COPB1: variants seen among roughly 807,000 people sequenced by gnomAD.
COPB1 encodes coat protein complex I subunit beta 1.
A neutral mutation model predicts 108.7 loss-of-function variants in COPB1; 21 were observed. That is an observed-to-expected ratio of 0.19 (90% CI 0.14 to 0.28). The LOEUF (loss-of-function observed/expected upper bound fraction) is 0.28, where lower values mean the gene tolerates loss of function less well. Ranked by LOEUF, COPB1 falls within the 10% of genes least tolerant of loss-of-function variation. COPB1 has a pLI of 1.00. For missense variants in COPB1, 919 were observed against 1,141.3 expected (o/e 0.81, Z 2.81); for synonymous variants, 378 against 386.8 (o/e 0.98, Z 0.27).
chr11:14,460,533 T>G (rs972992276), intron 19 of COPB1, among the ~76,000 whole-genome samples: 13 of 152,210 alleles, frequency 8.5e-5, no homozygotes, highest in Admixed American at 3.3e-4. Flanking sequence ...TCTTTTTTTT[T>G]TTGAGACAGG....
chr11:14,463,301 A>ATC (rs1404013088), intron 18 of COPB1, among the ~76,000 whole-genome samples: 1 of 151,900 alleles, frequency 6.6e-6, no homozygotes, highest in Non-Finnish European at 1.5e-5. Context: ...ACAAATACTT[A>ATC]TCTCTAGTTT....
At chr11:14,483,257 CACT>C (rs1850703225) in intron 7 of COPB1, 106 bp from the exon 8 acceptor site, 5 of 635,202 alleles carry the variant, frequency 7.9e-6, no homozygotes, top group Admixed American at 3.0e-5. Flanking sequence ...CACACACACA[CACT>C]CCCATGAAGC....
intron 20 of COPB1, among the ~76,000 whole-genome samples, chr11:14,459,012 C>T (rs1009846210): frequency 1.3e-5 from 2 of 152,212 alleles, no homozygotes; most frequent in African/African-American, 4.8e-5. Context: ...AAGTGATCCA[C>T]CCGCCTCGGC....
chr11:14,490,454 C>T (rs557660484), intron 5 of COPB1, 111 bp downstream of exon 5: 1 of 594,238 alleles, frequency 1.7e-6, no homozygotes, highest in South Asian at 2.9e-5. Context: ...AATACACAAA[C>T]CACATGAACT....
At chr11:14,460,357 T>C in intron 19 of COPB1, 60 bp from the exon 20 acceptor site, 1 of 1,051,366 alleles carries the variant, frequency 9.5e-7, no homozygotes, top group Non-Finnish European at 1.4e-6. Context: ...AAGCTGTGAA[T>C]CACCAGTATG....
Position 14,494,204 on chromosome 11 carries a change from G to A in COPB1, c.321+6C>T, listed in dbSNP as rs1850968884. The A allele has an allele frequency of 6.4e-7, 1 of 1,567,802 alleles. No individual in the cohort carries two copies. Among genetic ancestry groups the A allele is most frequent in the Non-Finnish European group, 8.7e-7 (1 of 1,144,684 alleles). On this transcript the variant is annotated splice_donor_region_variant and intron_variant, in intron 3 of 21. Coordinates refer to ENST00000439561, the MANE Select transcript of COPB1 (RefSeq NM_001144061.2). ...AATATTCAGAAATAATTATGATTTG[G>A]TTTACCTTTCTGTATGCATCACATA...
chr11:14,459,500 T>C (rs943854954), intron 20 of COPB1, among the ~76,000 whole-genome samples: 22 of 152,166 alleles, frequency 1.4e-4, no homozygotes, highest in Non-Finnish European at 2.1e-4. Flanking sequence ...TACACAAACA[T>C]AGCAAAAAGT....
chr11:14,476,841 G>A (rs1250369846), intron 12 of COPB1, 78 bp downstream of exon 12: 5 of 813,612 alleles, frequency 6.1e-6, no homozygotes, highest in African/African-American at 1.8e-5. Flanking sequence ...AATAATGTAA[G>A]CAAATCACTA....
rs999773518 is a variant in COPB1 at position 14,489,131 on chromosome 11, T to C, written c.607-547A>G. On this transcript the variant is annotated intron_variant, in intron 5 of 21. Transcript: ENST00000439561. ...ACAAAACACTGCTCATATACGCAGC[T>C]TTCTCATAATCTTGTTTAGGAAGAC... 4.6e-5 allele frequency among the ~76,000 whole-genome samples: 7 copies of C among 152,344 alleles called. No individual in the cohort carries two copies. The East Asian group carries it at 1.2e-3, about 25-fold the overall frequency.
rs763719433 is a variant in COPB1, at chr11:14,468,758, G to T, written c.2068C>A (p.Gln690Lys). 4 of 1,614,038 alleles carry T rather than the reference G, an allele frequency of 2.5e-6. No homozygotes were observed. The highest frequency in any genetic ancestry group is 3.4e-6 in the Non-Finnish European group (4 of 1,180,020). Reference protein sequence around the residue: ...NEMNCKEDQFQLSLLAAMGNT... With the variant: ...NEMNCKEDQFKLSLLAAMGNT... ...CCCATTGCTGCCAGTAAACTCAGCT[G>T]AAACTGATCTTCCTTGCAGTTCATT... Residue 690 changes from glutamine (Q) to lysine (K), a missense_variant, in exon 16 of 22, where the codon CAG (glutamine) becomes AAG (lysine). By Grantham distance (53) the Gln-to-Lys change is moderately conservative. Coordinates refer to ENST00000439561, the MANE Select transcript of COPB1 (RefSeq NM_001144061.2).
intron 14 of COPB1, among the ~76,000 whole-genome samples, chr11:14,471,930 A>G (rs1286049757): frequency 6.6e-6 from 1 of 151,700 alleles, no homozygotes; most frequent in Admixed American, 6.6e-5. Flanking sequence ...CTAAAAAAAA[A>G]TTTTTTTTTA....
intron 7 of COPB1, among the ~76,000 whole-genome samples, chr11:14,484,531 A>T (rs1850729580): frequency 6.6e-6 from 1 of 152,148 alleles, no homozygotes; most frequent in Non-Finnish European, 1.5e-5. Flanking sequence ...CATTCTGGCC[A>T]ACATGGTGAA....
At chr11:14,494,059 A>G in intron 3 of COPB1, 151 bp downstream of exon 3, 1 of 678,654 alleles carries the variant, frequency 1.5e-6, no homozygotes, top group Non-Finnish European at 2.4e-6. Context: ...AGTGACAATA[A>G]AACTTTTAAA....
chr11:14,490,784 T>A, intron 4 of COPB1, 105 bp from the exon 5 acceptor site: 1 of 623,104 alleles, frequency 1.6e-6, no homozygotes, highest in Non-Finnish European at 2.7e-6. Context: ...CTTTACAACA[T>A]ACTTTTGCTT....
Position 14,469,320 on chromosome 11 carries a change from A to G in COPB1, c.1965+16T>C. The G allele has an allele frequency of 6.3e-7, 1 of 1,599,080 alleles. No individual in the cohort carries two copies. Among genetic ancestry groups the G allele is most frequent in the Non-Finnish European group, 8.6e-7 (1 of 1,166,670 alleles). ...AGACACAAAACACTTTTGTTGCCTC[A>G]TCATATATACCTTACCTTTTGGGAT... is the stretch of plus-strand genomic sequence containing the variant. On this transcript the variant is annotated intron_variant, in intron 15 of 21. Coordinates refer to ENST00000439561, the MANE Select transcript of COPB1 (RefSeq NM_001144061.2).
chr11:14,480,581 G>A (rs1007797299), intron 10 of COPB1, among the ~76,000 whole-genome samples, 178 bp downstream of exon 10: 4 of 151,998 alleles, frequency 2.6e-5, no homozygotes, highest in Non-Finnish European at 1.5e-5. Flanking sequence ...ATATATAAGT[G>A]AAAGAAGTCA....
At chr11:14,499,257 CAAT>C (rs1383200299) in intron 1 of COPB1, among the ~76,000 whole-genome samples, 4 of 152,166 alleles carry the variant, frequency 2.6e-5, no homozygotes, top group African/African-American at 9.7e-5. Flanking sequence ...CCACACCCCA[CAAT>C]GTTATGGACC....
rs1028531663 is a variant in COPB1 at position 14,476,338 on chromosome 11, T to A, written c.1456-393A>T. On this transcript the variant is annotated intron_variant, in intron 12 of 21. Transcript: ENST00000439561. ...GAAATTTTAACCAAAACAGTACTCA[T>A]CCTTCTAAAATGAAATAAATCCGAC... is the stretch of plus-strand genomic sequence containing the variant. Among the ~76,000 whole-genome samples the A allele has an allele frequency of 7.2e-5, 11 of 152,318 alleles. No homozygotes were observed. In the East Asian group the frequency reaches 2.1e-3, roughly 29 times the overall value.
At chr11:14,490,451 A>G (rs2134124468) in intron 5 of COPB1, 114 bp downstream of exon 5, 1 of 567,878 alleles carries the variant, frequency 1.8e-6, no homozygotes, top group South Asian at 3.4e-5. Context: ...CAAAATACAC[A>G]AACCACATGA....
Sources: gnomAD v4.1 joint callset for allele counts (sites outside exome capture counted in the v4.1 genomes callset) on GRCh38, gnomAD v4.1.1 for gene constraint, MANE v1.5 for transcripts, NCBI Gene and HGNC (gene_info 2026-07-23, HGNC 2026-07-21) for gene names.